Variants in SYT7 observed in about 807,000 individuals in gnomAD.
The protein encoded by SYT7 is synaptotagmin 7.
In SYT7, 29 loss-of-function variants were observed where a neutral mutation model predicts 75.1. The observed-to-expected ratio is 0.39, with a 90% CI of 0.29 to 0.53. SYT7 has a LOEUF of 0.53. Among genes scored for constraint, SYT7 ranks in the 20% least tolerant of loss-of-function variants. SYT7 has a pLI of 0.77. For missense variants in SYT7, 693 were observed against 953.2 expected, an observed-to-expected ratio of 0.73 and a Z score of 3.59; for synonymous variants, 376 against 401.7, an observed-to-expected ratio of 0.94 and a Z score of 0.76.
At chr11:61,569,071 G>A (rs1364136054) in intron 1 of SYT7, among the ~76,000 whole-genome samples, 1 of 152,148 alleles carries the variant, frequency 6.6e-6, no homozygotes, top group Non-Finnish European at 1.5e-5. Context: ...CTCCTGAGGG[G>A]CTTCCTGAGG....
intron 8 of SYT7, chr11:61,530,912 C>T (rs370587998): frequency 1.3e-5 from 13 of 985,308 alleles, no homozygotes; most frequent in Middle Eastern, 5.2e-4. Context: ...GCTTCCTGAG[C>T]GCTTGCACCA....
At chr11:61,529,489 C>T (rs750678254) in intron 8 of SYT7, among the ~76,000 whole-genome samples, 1 of 152,282 alleles carries the variant, frequency 6.6e-6, no homozygotes, top group East Asian at 1.9e-4. Flanking sequence ...CCAAGGCTGA[C>T]GGCAGTAGGA....
intron 1 of SYT7, among the ~76,000 whole-genome samples, chr11:61,565,169 T>C (rs1044893651): frequency 2.0e-5 from 3 of 152,152 alleles, no homozygotes; most frequent in Non-Finnish European, 4.4e-5. Context: ...TGGCTCCCGA[T>C]GACGTTCAAG....
At chr11:61,550,448 G>A (rs186361024) in intron 3 of SYT7, among the ~76,000 whole-genome samples, 42 of 152,306 alleles carry the variant, frequency 2.8e-4, no homozygotes, top group African/African-American at 9.1e-4. Context: ...AGAGGGCAGG[G>A]GGAGGGTGGC....
Position 61,556,190 on chromosome 11 carries a change from C to G in SYT7, c.49G>C (p.Val17Leu). 3 of 1,613,710 alleles carry G rather than the reference C, an allele frequency of 1.9e-6. No homozygotes were observed. Among genetic ancestry groups the G allele is most frequent in the Non-Finnish European group, 2.5e-6 (3 of 1,179,866 alleles). The change falls in exon 2 of 13, where the codon GTC becomes CTC. Residue 17 changes from valine to leucine, a missense_variant. This residue lies in a region of SYT7 where 487 missense variants were observed against 593.2 expected (regional missense o/e 0.82). Coordinates refer to ENST00000539008, the MANE Select transcript of SYT7 (RefSeq NM_001365809.2). ...AASPGAPSRD[V>L]LLVSAIITVS... ...GTGATGATGGCAGAGACCAGCAGGA[C>G]GTCGCGCGAGGGCGCCCCTGGGGAG...
chr11:61,535,782 G>A (rs2062852797), intron 7 of SYT7, among the ~76,000 whole-genome samples: 1 of 152,208 alleles, frequency 6.6e-6, no homozygotes, highest in Non-Finnish European at 1.5e-5. Context: ...GTCCTCCCCG[G>A]TGACAGCCAA....
At position 61,576,806 on chromosome 11, in the gene SYT7, G is replaced by A. The variant is rs1006008373; in HGVS notation, c.31+3984C>T. ...TTCCACACAACATCCTGCAATGGCC[G>A]GGCTAGAGGGTGTAACAAGGAGACA... On this transcript the variant is annotated intron_variant, in intron 1 of 12. Transcript: ENST00000539008. This position sits in a 1 kb window ranked among gnomAD's most constrained non-coding sequence, Gnocchi z 4.1. Among the ~76,000 whole-genome samples the A allele has an allele frequency of 6.6e-5, 10 of 152,080 alleles. No homozygotes were observed. The highest frequency in any genetic ancestry group is 2.0e-4 in the Admixed American group (3 of 15,278).
At position 61,542,148 on chromosome 11, in the gene SYT7, A is replaced by G; in HGVS notation, c.941+63T>C. Reference sequence around the variant, plus strand: ...CACACAACCAGCTGCTCCCAAGGAGATCTGGGGGGCAGGAGGCTGGGTCAG... The same window carrying G: ...CACACAACCAGCTGCTCCCAAGGAGGTCTGGGGGGCAGGAGGCTGGGTCAG... On this transcript the variant is annotated intron_variant, in intron 6 of 12. Coordinates refer to ENST00000539008, the MANE Select transcript of SYT7 (RefSeq NM_001365809.2). This position sits in a 1 kb window ranked among gnomAD's most constrained non-coding sequence, Gnocchi z 7.8. 6.7e-7 allele frequency: 1 copy of G among 1,496,144 alleles called. No individual in the cohort carries two copies. The highest frequency in any genetic ancestry group is 8.9e-7 in the Non-Finnish European group (1 of 1,127,820). The allele number at this position is 1,496,144 out of a possible 1,614,324, so 92.7% of individuals were successfully genotyped here. A position where few individuals can be genotyped will look rare whatever the true frequency, so the allele number is the denominator to read the frequency against.
At chr11:61,547,128 C>A (rs1323206316) in intron 4 of SYT7, 49 bp downstream of exon 4, 2 of 1,525,778 alleles carry the variant, frequency 1.3e-6, no homozygotes, top group Non-Finnish European at 1.8e-6. Flanking sequence ...GGAAGGAGGG[C>A]GTGCGCGGAT....
chr11:61,531,856 T>G (rs1202530746), intron 8 of SYT7, among the ~76,000 whole-genome samples: 1 of 133,568 alleles, frequency 7.5e-6, no homozygotes, highest in African/African-American at 2.9e-5. Flanking sequence ...ATTGTGCCAC[T>G]GCACTCCAGC....
At chr11:61,571,104 A>G (rs1020360310) in intron 1 of SYT7, among the ~76,000 whole-genome samples, 2 of 152,166 alleles carry the variant, frequency 1.3e-5, no homozygotes, top group African/African-American at 2.4e-5. Flanking sequence ...TTTGAGCCTC[A>G]TTACTTTTGA....
At chr11:61,518,880 G>A (rs1233438939) in intron 12 of SYT7, 149 bp from the exon 13 acceptor site, 9 of 490,398 alleles carry the variant, frequency 1.8e-5, no homozygotes, top group African/African-American at 1.0e-4. Flanking sequence ...CCACAGAGGC[G>A]CTCTCCTCCC....
In SYT7 at chr11:61,553,428, A is replaced by G. The variant is rs1396331587; in HGVS notation, c.136-1965T>C. Among the ~76,000 whole-genome samples the G allele has an allele frequency of 6.6e-6, 1 of 152,140 alleles. No homozygotes were observed. The highest frequency in any genetic ancestry group is 2.4e-5 in the African/African-American group (1 of 41,442). On this transcript the variant is annotated intron_variant, in intron 2 of 12. Transcript: ENST00000539008. This position sits in a 1 kb window ranked among gnomAD's most constrained non-coding sequence, Gnocchi z 5.2. Reference sequence around the variant, plus strand: ...CTTGCCCTGGCCAGCACCCTCTCGTAAGGCAGGGCCGCTGCCCCTTCCCCG... The same window carrying G: ...CTTGCCCTGGCCAGCACCCTCTCGTGAGGCAGGGCCGCTGCCCCTTCCCCG...
rs938726337 is a variant in SYT7 at position 61,553,752 on chromosome 11, C to T, written c.136-2289G>A. Among the ~76,000 whole-genome samples the T allele has an allele frequency of 2.0e-5, 3 of 152,130 alleles. No homozygotes were observed. The highest frequency in any genetic ancestry group is 2.0e-4 in the Admixed American group (3 of 15,282). On this transcript the variant is annotated intron_variant, in intron 2 of 12. Coordinates refer to ENST00000539008, the MANE Select transcript of SYT7 (RefSeq NM_001365809.2). The surrounding 1 kb of genome is among the most constrained non-coding windows in gnomAD (Gnocchi z 5.2). ...CTCAGGGAGGGGTGGCCAGGCTGAT[C>T]CGGAAAAAGCCAGCTGGAGATTAAG...
chr11:61,587,629 T>A, the SYT7 span, among the ~76,000 whole-genome samples: 1 of 152,236 alleles, frequency 6.6e-6, no homozygotes, highest in African/African-American at 2.4e-5. Context: ...GAGTCCCAGC[T>A]GCAGAATTCC....
intron 6 of SYT7, among the ~76,000 whole-genome samples, chr11:61,538,879 G>A (rs2062961102): frequency 6.6e-6 from 1 of 152,204 alleles, no homozygotes; most frequent in Admixed American, 6.5e-5. Context: ...CTGTGTCATG[G>A]TCAACCAGAT....
chr11:61,523,415 A>C lies in SYT7; in HGVS notation c.1757-141T>G. 1 of 776,972 alleles carries C rather than the reference A, an allele frequency of 1.3e-6. No individual in the cohort carries two copies. The highest frequency in any genetic ancestry group is 1.7e-5 in the South Asian group (1 of 59,192). 48.1% of individuals were successfully genotyped at this position (776,972 alleles called of 1,614,324 possible). A position where few individuals can be genotyped will look rare whatever the true frequency, so the allele number is the denominator to read the frequency against. On this transcript the variant is annotated intron_variant, in intron 11 of 12. Transcript: ENST00000539008. The surrounding 1 kb of genome is among the most constrained non-coding windows in gnomAD (Gnocchi z 5.0). Reference sequence around the variant, plus strand: ...GCAAGGAAAGACCCAGGCAAGAACAAGAGGGACCTGGGAGAATCAGCAGAT... The same window carrying C: ...GCAAGGAAAGACCCAGGCAAGAACACGAGGGACCTGGGAGAATCAGCAGAT...
upstream of SYT7, among the ~76,000 whole-genome samples, chr11:61,583,188 C>G (rs1395249908): frequency 6.6e-6 from 1 of 151,978 alleles, no homozygotes; most frequent in African/African-American, 2.4e-5. Context: ...GATTGCACCA[C>G]TGCCCTCCAA....
chr11:61,552,475 C>T (rs1304118693), intron 2 of SYT7, among the ~76,000 whole-genome samples: 1 of 151,990 alleles, frequency 6.6e-6, no homozygotes, highest in East Asian at 1.9e-4. Context: ...CACACATGCA[C>T]ACACACACAC....
Sources: gnomAD v4.1 joint callset for allele counts (sites outside exome capture counted in the v4.1 genomes callset) on GRCh38, gnomAD v4.1.1 for gene constraint, gnomAD v4.1.1 regional missense constraint, Gnocchi (gnomAD v3.1) non-coding constraint, MANE v1.5 for transcripts, NCBI Gene and HGNC (gene_info 2026-07-23, HGNC 2026-07-21) for gene names.